Variants in DDX19A observed in about 807,000 individuals in gnomAD.
DDX19A encodes DEAD-box helicase 19A.
A neutral mutation model predicts 60.6 loss-of-function variants in DDX19A; 12 were observed. The observed-to-expected ratio is 0.20, with a 90% CI of 0.13 to 0.32. The LOEUF (loss-of-function observed/expected upper bound fraction) is 0.32. Ranked by LOEUF, DDX19A falls within the 10% of genes least tolerant of loss-of-function variation. The pLI is 1.00. For missense variants in DDX19A, 337 were observed against 600.6 expected (o/e 0.56, Z 4.59); for synonymous variants, 206 against 218.2 (o/e 0.94, Z 0.49).
intron 7 of DDX19A, chr16:70,365,386 G>A (rs1328396716): frequency 3.0e-5 from 8 of 270,548 alleles, no homozygotes; most frequent in East Asian, 1.7e-4. Context: ...AGAGTTCTTC[G>A]CTCAGAAGGT....
intron 4 of DDX19A, chr16:70,356,965 A>G: frequency 2.1e-6 from 2 of 961,830 alleles, no homozygotes; most frequent in Non-Finnish European, 2.8e-6. Flanking sequence ...AAAAAAAAAA[A>G]AGGCCAGGCA....
chr16:70,364,430 G>A, intron 5 of DDX19A, 113 bp from the exon 6 acceptor site: 3 of 751,494 alleles, frequency 4.0e-6, no homozygotes, highest in Non-Finnish European at 6.8e-6. Flanking sequence ...AGAAAACCTG[G>A]GTAATATAGA....
chr16:70,358,674 T>C (rs768050375), intron 4 of DDX19A, among the ~76,000 whole-genome samples: 1 of 151,978 alleles, frequency 6.6e-6, no homozygotes, highest in African/African-American at 2.4e-5. Flanking sequence ...TGAAACCCCA[T>C]CTCTACTAAA....
intron 2 of DDX19A, among the ~76,000 whole-genome samples, chr16:70,351,305 A>G (rs148743977): frequency 0.013 from 1,911 of 151,612 alleles, 43 homozygotes; most frequent in African/African-American, 0.044. Context: ...ACCCAGGCTC[A>G]AGAGATCCTC....
chr16:70,361,314 G>T, intron 4 of DDX19A, 104 bp from the exon 5 acceptor site: 1 of 878,232 alleles, frequency 1.1e-6, no homozygotes, highest in South Asian at 1.4e-5. Flanking sequence ...ACGTCTGACA[G>T]AGGTAGGAGG....
At chr16:70,350,210 G>C (rs1197490229) in intron 1 of DDX19A, among the ~76,000 whole-genome samples, 3 of 152,142 alleles carry the variant, frequency 2.0e-5, no homozygotes, top group Non-Finnish European at 4.4e-5. Flanking sequence ...CCATGATCGT[G>C]CTGCTGTACT....
intron 5 of DDX19A, 74 bp from the exon 6 acceptor site, chr16:70,364,469 A>G (rs562331355): frequency 3.6e-4 from 433 of 1,199,118 alleles, no homozygotes; most frequent in Non-Finnish European, 5.0e-4. Flanking sequence ...TATGCCTTTC[A>G]TTCAGAAAGA....
At chr16:70,365,343 AT>A (rs924928504) in intron 7 of DDX19A, 6 of 383,970 alleles carry the variant, frequency 1.6e-5, no homozygotes, top group Non-Finnish European at 2.9e-5. Flanking sequence ...AAAAAAAAAA[AT>A]CCACGCATGG....
intron 2 of DDX19A, 87 bp from the exon 3 acceptor site, chr16:70,355,398 A>G: frequency 1.0e-6 from 1 of 970,276 alleles, no homozygotes; most frequent in Non-Finnish European, 1.6e-6. Context: ...AATAAAATAA[A>G]TTTCAGTGTA....
At position 70,355,543 on chromosome 16, in the gene DDX19A, C is replaced by T; in HGVS notation, c.157+8C>T. The T allele has an allele frequency of 6.2e-7, 1 of 1,613,260 alleles. No homozygotes were observed. On this transcript the variant is annotated splice_region_variant and intron_variant, in intron 3 of 11. Coordinates refer to ENST00000302243, the MANE Select transcript of DDX19A (RefSeq NM_018332.5). ...CAGATGAAGAGGAGAAAGGTAACTA[C>T]TTTTGGATGCCCTTGGCAAGAGACG...
intron 2 of DDX19A, among the ~76,000 whole-genome samples, chr16:70,351,304 CAA>C (rs971705903): frequency 5.9e-4 from 89 of 151,946 alleles, no homozygotes; most frequent in African/African-American, 2.0e-3. Context: ...CACCCAGGCT[CAA>C]GAGATCCTCC....
chr16:70,364,648 G>A lies in DDX19A; in HGVS notation c.489+3G>A. On this transcript the variant is annotated splice_donor_region_variant and intron_variant, in intron 6 of 11. Coordinates refer to ENST00000302243, the MANE Select transcript of DDX19A (RefSeq NM_018332.5). ...AGCCATCAGACAGATACCCCCAGGT[G>A]AGGGCTTGCGGGGCTGGGTGTCCTA... is the stretch of plus-strand genomic sequence containing the variant. 1 of 1,613,122 alleles carries A rather than the reference G, an allele frequency of 6.2e-7. No individual in the cohort carries two copies. The highest frequency in any genetic ancestry group is 8.5e-7 in the Non-Finnish European group (1 of 1,179,024).
At position 70,357,374 on chromosome 16, in the gene DDX19A, T is replaced by G. The variant is rs868370183; in HGVS notation, c.293+1127T>G. Among the ~76,000 whole-genome samples the G allele has an allele frequency of 9.8e-3, 425 of 43,462 alleles. 30 individuals carry two copies. Among genetic ancestry groups the G allele is most frequent in the African/African-American group, 0.03 (406 of 13,736 alleles). The allele number at this position is 43,462 out of a possible 152,430, so 28.5% of individuals were successfully genotyped here. A position where few individuals can be genotyped will look rare whatever the true frequency, so the allele number is the denominator to read the frequency against. On this transcript the variant is annotated intron_variant, in intron 4 of 11. Transcript: ENST00000302243. The stretch of plus-strand genomic sequence containing the variant: ...AAATCTGTTTTTGGTTTGTTTTTTT[T>G]TTTTTTTTTTTTTTTTTTTTTTTTT...
In DDX19A at chr16:70,372,011, A is replaced by G. The variant is rs746448043; in HGVS notation, c.*25A>G. On this transcript the variant is annotated 3_prime_UTR_variant, in exon 12 of 12. Coordinates refer to ENST00000302243, the MANE Select transcript of DDX19A (RefSeq NM_018332.5). Reference sequence around the variant, plus strand: ...AGAAGCTCCACCAGCCACTGATGCCAGCCCTGGCACTGCCCCTGCACAGGA... The same window carrying G: ...AGAAGCTCCACCAGCCACTGATGCCGGCCCTGGCACTGCCCCTGCACAGGA... 8 of 1,614,024 alleles carry G rather than the reference A, an allele frequency of 5.0e-6. No homozygotes were observed. In the South Asian group the frequency reaches 7.7e-5, roughly 16 times the overall value.
intron 4 of DDX19A, among the ~76,000 whole-genome samples, chr16:70,358,713 G>A (rs1194158216): frequency 6.6e-6 from 1 of 152,000 alleles, no homozygotes; most frequent in Non-Finnish European, 1.5e-5. Context: ...GGCTGTAATG[G>A]CACATGGCTT....
At chr16:70,355,946 C>A (rs2151633228) in intron 3 of DDX19A, 166 bp from the exon 4 acceptor site, 1 of 858,700 alleles carries the variant, frequency 1.2e-6, no homozygotes, top group Non-Finnish European at 1.8e-6. Context: ...TGGGTGACAG[C>A]AAGACCCCAT....
At chr16:70,365,841 G>A in intron 7 of DDX19A, 1 of 585,350 alleles carries the variant, frequency 1.7e-6, no homozygotes, top group Admixed American at 3.0e-5. Context: ...GGAGGAAGAA[G>A]AAGGGAACTG....
chr16:70,369,758 A>G (rs1964627378), intron 9 of DDX19A, among the ~76,000 whole-genome samples: 1 of 151,362 alleles, frequency 6.6e-6, no homozygotes, highest in South Asian at 2.1e-4. Context: ...GCTGGGACTT[A>G]CAGGCCTACA....
intron 5 of DDX19A, among the ~76,000 whole-genome samples, chr16:70,362,919 T>G (rs1414204032): frequency 6.7e-6 from 1 of 148,374 alleles, no homozygotes; most frequent in Non-Finnish European, 1.5e-5. Flanking sequence ...GAGGCTGAGG[T>G]GGGAGGATCG....
Sources: gnomAD v4.1 joint callset for allele counts (sites outside exome capture counted in the v4.1 genomes callset) on GRCh38, gnomAD v4.1.1 for gene constraint, MANE v1.5 for transcripts, NCBI Gene and HGNC (gene_info 2026-07-23, HGNC 2026-07-21) for gene names.